The following COL11A2 variants were observed in gnomAD, a reference collection of about 807,000 sequenced individuals.
COL11A2 encodes the protein collagen type XI alpha 2 chain.
In COL11A2, 116 loss-of-function variants were observed where a neutral mutation model predicts 273.4. The ratio of observed to expected loss-of-function variants is 0.42; its 90% CI spans 0.36 to 0.49. The LOEUF is 0.49. Ranked by LOEUF, COL11A2 falls within the 20% of genes least tolerant of loss-of-function variation. COL11A2 has a pLI of 0.00. For synonymous variants in COL11A2, 782 were observed against 864.2 expected (o/e 0.90, Z 1.67); for missense variants, 1,866 against 2,309.0 (o/e 0.81, Z 3.93).
rs774656418 is a variant in COL11A2 at position 33,172,119 on chromosome 6, T to G, written c.2989-16A>C. On this transcript the variant is annotated splice_polypyrimidine_tract_variant and intron_variant, in intron 40 of 65. Transcript: ENST00000341947. ...CAGGTCCACCCTATGAACCAGACAT[T>G]TGGGGAAGATGAGACTTCACGAAAA... 5.0e-6 allele frequency: 8 copies of G among 1,612,356 alleles called. No individual in the cohort carries two copies. The highest frequency in any genetic ancestry group is 6.8e-6 in the Non-Finnish European group (8 of 1,179,902).
rs1163089099 is a variant in COL11A2, at chr6:33,169,348, C to G, written c.3798+35G>C. 6.4e-7 allele frequency: 1 copy of G among 1,572,396 alleles called. No individual in the cohort carries two copies. Among genetic ancestry groups the G allele is most frequent in the African/African-American group, 1.3e-5 (1 of 74,182 alleles). On this transcript the variant is annotated intron_variant, in intron 51 of 65. Coordinates refer to ENST00000341947, the MANE Select transcript of COL11A2 (RefSeq NM_080680.3). The surrounding 1 kb of genome is among the most constrained non-coding windows in gnomAD (Gnocchi z 5.5). ...TTCCCAGGTCTGTCATTCACAGGGC[C>G]TGAGAGGACTCAGCCCCCACTGCCC...
intron 40 of COL11A2, 32 bp downstream of exon 40, chr6:33,172,257 G>C (rs1461002347): frequency 8.2e-6 from 13 of 1,584,444 alleles, no homozygotes; most frequent in South Asian, 1.1e-5. Flanking sequence ...CTTGGTGCTT[G>C]TGACAGGCAG....
In COL11A2 at chr6:33,189,016, A is replaced by G. The variant is rs2150622914; in HGVS notation, c.405T>C (p.Ser135=). 2 of 1,614,176 alleles carry G rather than the reference A, an allele frequency of 1.2e-6. No individual in the cohort carries two copies. Among genetic ancestry groups the G allele is most frequent in the African/African-American group, 1.3e-5 (1 of 75,042 alleles). ...EDQTGRPQPP[S]QPVFRGLSLA... ...GGCTGAGGCCTCGGAAGACTGGCTG[A>G]GAGGGAGGTTGAGGCCGCCCAGTCT... Residue 135 remains serine (S), a synonymous_variant, in exon 3 of 66, where the codon TCT becomes TCC. Transcript: ENST00000341947. This position sits in a 1 kb window ranked among gnomAD's most constrained non-coding sequence, Gnocchi z 5.6.
rs147328015 is a variant in COL11A2 at position 33,178,309 on chromosome 6, G to C, written c.1817C>G (p.Ser606Trp). The change falls in exon 20 of 66, where the codon TCG (serine) becomes TGG (tryptophan). Residue 606 changes from serine to tryptophan, a missense_variant and splice_region_variant. Coordinates refer to ENST00000341947, the MANE Select transcript of COL11A2 (RefSeq NM_080680.3). This position sits in a 1 kb window ranked among gnomAD's most constrained non-coding sequence, Gnocchi z 4.6. ...EIGPRGLPGESGPRGLLGPKG... is the reference protein window; with the variant it reads ...EIGPRGLPGEWGPRGLLGPKG... The stretch of plus-strand genomic sequence containing the variant: ...CAGCACCAGCCCTTGGACACTCACC[G>C]ACTCTCCAGGCAGCCCTCGAGGCCC... 2.7e-5 allele frequency: 43 copies of C among 1,612,394 alleles called. No homozygotes were observed. Among genetic ancestry groups the C allele is most frequent in the Non-Finnish European group, 3.6e-5 (43 of 1,179,866 alleles).
At position 33,173,609 on chromosome 6, in the gene COL11A2, G is replaced by T; in HGVS notation, c.2629-54C>A. On this transcript the variant is annotated intron_variant, in intron 35 of 65. Coordinates refer to ENST00000341947, the MANE Select transcript of COL11A2 (RefSeq NM_080680.3). This position sits in a 1 kb window ranked among gnomAD's most constrained non-coding sequence, Gnocchi z 6.3. ...GAATGGGGGCAGGGGCTGAGTGGGGGAACTCAGCTTCCTTCCTGGGGTGAG... is the reference window on the plus strand; with the variant it reads ...GAATGGGGGCAGGGGCTGAGTGGGGTAACTCAGCTTCCTTCCTGGGGTGAG... The T allele has an allele frequency of 1.2e-6, 1 of 857,464 alleles. No individual in the cohort carries two copies. Among genetic ancestry groups the T allele is most frequent in the Non-Finnish European group, 1.8e-6 (1 of 544,894 alleles). The allele number at this position is 857,464 out of a possible 1,614,324, so 53.1% of individuals were successfully genotyped here.
In COL11A2 at chr6:33,169,483, C is replaced by T. The variant is rs746286026; in HGVS notation, c.3698G>A (p.Arg1233His). Residue 1233 changes from arginine to histidine, a missense_variant, in exon 51 of 66, where the codon CGC becomes CAC. Coordinates refer to ENST00000341947, the MANE Select transcript of COL11A2 (RefSeq NM_080680.3). The surrounding 1 kb of genome is among the most constrained non-coding windows in gnomAD (Gnocchi z 5.5). Reference sequence around the variant, plus strand: ...CTCTCCTTTCTCTCCACGTTCCCCGCGTGGACCCTGCAGAACAAGCGGAGG... The same window carrying T: ...CTCTCCTTTCTCTCCACGTTCCCCGTGTGGACCCTGCAGAACAAGCGGAGG... Reference protein sequence around the residue: ...IQGEPGVKGPRGERGEKGESG... With the variant: ...IQGEPGVKGPHGERGEKGESG... 59 of 1,612,786 alleles carry T rather than the reference C, an allele frequency of 3.7e-5. No individual in the cohort carries two copies. Among genetic ancestry groups the T allele is most frequent in the Non-Finnish European group, 4.7e-5 (55 of 1,180,026 alleles).
Position 33,173,805 on chromosome 6 carries a change from C to G in COL11A2, c.2584-60G>C, listed in dbSNP as rs1770497244. ...GCTGCTTTCCAGCTGTCCCCGAGGT[C>G]AGGATGTTGAGGGAGAGCTGGGGCT... is the stretch of plus-strand genomic sequence containing the variant. On this transcript the variant is annotated intron_variant, in intron 34 of 65. Coordinates refer to ENST00000341947, the MANE Select transcript of COL11A2 (RefSeq NM_080680.3). This position sits in a 1 kb window ranked among gnomAD's most constrained non-coding sequence, Gnocchi z 6.3. The G allele has an allele frequency of 1.2e-6, 2 of 1,609,404 alleles. No homozygotes were observed. The highest frequency in any genetic ancestry group is 1.7e-6 in the Non-Finnish European group (2 of 1,176,192).
rs1768799609 is a variant in COL11A2, at chr6:33,164,490, G to T, written c.4864-17C>A. On this transcript the variant is annotated splice_polypyrimidine_tract_variant and intron_variant, in intron 64 of 65. Transcript: ENST00000341947. This position sits in a 1 kb window ranked among gnomAD's most constrained non-coding sequence, Gnocchi z 4.7. ...GTAAGAGAACTGGAAGGAGAGAGAG[G>T]GCTGGCCTCAGAGGGGGAGAGAGAG... The T allele has an allele frequency of 2.0e-6, 3 of 1,518,486 alleles. No homozygotes were observed. Among genetic ancestry groups the T allele is most frequent in the African/African-American group, 2.8e-5 (2 of 72,370 alleles). 94.1% of individuals were successfully genotyped at this position (1,518,486 alleles called of 1,614,324 possible). A position where few individuals can be genotyped will look rare whatever the true frequency, so the allele number is the denominator to read the frequency against.
At position 33,179,656 on chromosome 6, in the gene COL11A2, C is replaced by A; in HGVS notation, c.1446+63G>T. On this transcript the variant is annotated intron_variant, in intron 13 of 65. Transcript: ENST00000341947. This position sits in a 1 kb window ranked among gnomAD's most constrained non-coding sequence, Gnocchi z 6.4. ...CCAGGCCTCCCCTGCCGCACACTCA[C>A]TCCAGCCAACCCTTCCAGTGCCCCC... 6.3e-7 allele frequency: 1 copy of A among 1,589,962 alleles called. No individual in the cohort carries two copies. Among genetic ancestry groups the A allele is most frequent in the Non-Finnish European group, 8.6e-7 (1 of 1,165,082 alleles).
rs1037987531 is a variant in COL11A2, at chr6:33,169,695, G to T, written c.3690+136C>A. 25 of 1,201,896 alleles carry T rather than the reference G, an allele frequency of 2.1e-5. No individual in the cohort carries two copies. The highest frequency in any genetic ancestry group is 3.0e-5 in the African/African-American group (2 of 66,756). 74.5% of individuals were successfully genotyped at this position (1,201,896 alleles called of 1,614,324 possible). A position where few individuals can be genotyped will look rare whatever the true frequency, so the allele number is the denominator to read the frequency against. On this transcript the variant is annotated intron_variant, in intron 50 of 65. Coordinates refer to ENST00000341947, the MANE Select transcript of COL11A2 (RefSeq NM_080680.3). The surrounding 1 kb of genome is among the most constrained non-coding windows in gnomAD (Gnocchi z 5.5). ...AGGGCTCACTCAGACCAGGGATCAGGCCTCATAGAGGATGGCAGGGAGCAG... is the reference window on the plus strand; with the variant it reads ...AGGGCTCACTCAGACCAGGGATCAGTCCTCATAGAGGATGGCAGGGAGCAG...
In COL11A2 at chr6:33,170,824, G is replaced by T. The variant is rs1337088776; in HGVS notation, c.3460C>A (p.Pro1154Thr). 6.2e-7 allele frequency: 1 copy of T among 1,612,968 alleles called. No individual in the cohort carries two copies. The highest frequency in any genetic ancestry group is 2.2e-5 in the East Asian group (1 of 44,880). The change falls in exon 46 of 66, where the codon CCC becomes ACC. Residue 1154 changes from proline (P) to threonine (T), a missense_variant. Coordinates refer to ENST00000341947, the MANE Select transcript of COL11A2 (RefSeq NM_080680.3). The surrounding 1 kb of genome is among the most constrained non-coding windows in gnomAD (Gnocchi z 4.3). ...GTRGFNGPPG[P>T]IGLQGLPGPS... ...CCCCAACACACCTGTAGGCCAATGG[G>T]TCCTGGGGGCCCATTGAATCCTCTT...
At position 33,178,119 on chromosome 6, in the gene COL11A2, G is replaced by C; in HGVS notation, c.1872+13C>G. The stretch of plus-strand genomic sequence containing the variant: ...GGGGTCACCTCAGGGTCAGAAGTCA[G>C]GGAGTCACTTACAGGGGGTCCAGGA... On this transcript the variant is annotated intron_variant, in intron 21 of 65. Coordinates refer to ENST00000341947, the MANE Select transcript of COL11A2 (RefSeq NM_080680.3). The surrounding 1 kb of genome is among the most constrained non-coding windows in gnomAD (Gnocchi z 4.6). The C allele has an allele frequency of 1.2e-6, 2 of 1,606,256 alleles. No individual in the cohort carries two copies. Among genetic ancestry groups the C allele is most frequent in the East Asian group, 4.5e-5 (2 of 44,720 alleles).
chr6:33,168,394 A>G, intron 54 of COL11A2, 125 bp downstream of exon 54: 1 of 1,089,380 alleles, frequency 9.2e-7, no homozygotes, highest in Non-Finnish European at 1.4e-6. Context: ...GCTCCTGCAC[A>G]CACACACACC....
intron 7 of COL11A2, among the ~76,000 whole-genome samples, chr6:33,184,701 A>C (rs1432449204): frequency 6.6e-6 from 1 of 152,236 alleles, no homozygotes; most frequent in Non-Finnish European, 1.5e-5. Flanking sequence ...TCCCGGGAAC[A>C]GAAATAGGAC....
In COL11A2 at chr6:33,167,882, T is replaced by C. The variant is rs1423020822; in HGVS notation, c.3961-30A>G. On this transcript the variant is annotated intron_variant, in intron 54 of 65. Transcript: ENST00000341947. The surrounding 1 kb of genome is among the most constrained non-coding windows in gnomAD (Gnocchi z 6.1). ...AGGTGGAGTGGGAAGGAAGAGCACA[T>C]GAGGCCGTGGGCAGCCAGGCTCAAC... 34 of 1,612,298 alleles carry C rather than the reference T, an allele frequency of 2.1e-5. No individual in the cohort carries two copies. The highest frequency in any genetic ancestry group is 2.4e-5 in the Non-Finnish European group (28 of 1,179,744).
chr6:33,170,641 T>G lies in COL11A2; in HGVS notation c.3475-31A>C, dbSNP rs574072193. On this transcript the variant is annotated intron_variant, in intron 46 of 65. Transcript: ENST00000341947. The surrounding 1 kb of genome is among the most constrained non-coding windows in gnomAD (Gnocchi z 4.3). Reference sequence around the variant, plus strand: ...CAAGTATACAAAACATGGGCCCAGGTGACGACCCCACCCAAAGCACAGCCC... The same window carrying G: ...CAAGTATACAAAACATGGGCCCAGGGGACGACCCCACCCAAAGCACAGCCC... The G allele has an allele frequency of 4.3e-6, 7 of 1,612,248 alleles. No homozygotes were observed. The South Asian group carries it at 5.5e-5, about 13-fold the overall frequency.
chr6:33,166,066 T>C lies in COL11A2; in HGVS notation c.4429-82A>G. 1 of 1,606,508 alleles carries C rather than the reference T, an allele frequency of 6.2e-7. No homozygotes were observed. The highest frequency in any genetic ancestry group is 8.5e-7 in the Non-Finnish European group (1 of 1,174,800). ...TCACAGAAAGATCAAATCAGCCTCC[T>C]GGCTGGAATAAGGGGCTCCTTGGGG... On this transcript the variant is annotated intron_variant, in intron 61 of 65. Coordinates refer to ENST00000341947, the MANE Select transcript of COL11A2 (RefSeq NM_080680.3). The surrounding 1 kb of genome is among the most constrained non-coding windows in gnomAD (Gnocchi z 4.8).
chr6:33,166,338 AG>A lies in COL11A2; in HGVS notation c.4393-133del. ...GGAGGGGCAGTCTTGTGGGAATACT[AG>A]GACATTCAGAGCCCTGGAAGTATGG... On this transcript the variant is annotated intron_variant, in intron 60 of 65. Coordinates refer to ENST00000341947, the MANE Select transcript of COL11A2 (RefSeq NM_080680.3). This position sits in a 1 kb window ranked among gnomAD's most constrained non-coding sequence, Gnocchi z 4.8. 7.7e-7 allele frequency: 1 copy of A among 1,298,416 alleles called. No individual in the cohort carries two copies. Among genetic ancestry groups the A allele is most frequent in the Non-Finnish European group, 1.1e-6 (1 of 941,634 alleles). The allele number at this position is 1,298,416 out of a possible 1,614,324, so 80.4% of individuals were successfully genotyped here.
At chr6:33,172,132 G>A in intron 40 of COL11A2, 29 bp from the exon 41 acceptor site, 1 of 1,612,588 alleles carries the variant, frequency 6.2e-7, no homozygotes, top group Non-Finnish European at 8.5e-7. Context: ...GGGAAGATGA[G>A]ACTTCACGAA....
Sources: allele counts gnomAD v4.1 joint callset (sites outside exome capture counted in the v4.1 genomes callset), GRCh38; gene constraint gnomAD v4.1.1; non-coding constraint Gnocchi (gnomAD v3.1); transcripts MANE v1.5; gene names NCBI Gene and HGNC (gene_info 2026-07-23, HGNC 2026-07-21).